The following LDLRAD3 variants were observed in gnomAD, a reference collection of about 807,000 sequenced individuals.
LDLRAD3 encodes the protein low-density lipoprotein receptor class A domain-containing protein 3.
In LDLRAD3, 20 loss-of-function variants were observed where a neutral mutation model predicts 29.4. That is an observed-to-expected ratio of 0.68 (90% confidence interval 0.48 to 0.99). The LOEUF is 0.99. Ranked by LOEUF, LDLRAD3 falls within the 50% of genes least tolerant of loss-of-function variation. LDLRAD3 has a pLI of 0.00. For missense variants in LDLRAD3, 420 were observed against 454.3 expected (o/e 0.92, Z 0.69); for synonymous variants, 157 against 192.7 (o/e 0.81, Z 1.53).
At chr11:36,182,110 C>T (rs929137916) in intron 4 of LDLRAD3, among the ~76,000 whole-genome samples, 1 of 152,180 alleles carries the variant, frequency 6.6e-6, no homozygotes, top group Non-Finnish European at 1.5e-5. Context: ...AGGAGCTTAT[C>T]TAGACAGGAG....
chr11:35,947,632 A>G (rs539357250), intron 1 of LDLRAD3, among the ~76,000 whole-genome samples: 1 of 152,356 alleles, frequency 6.6e-6, no homozygotes, highest in South Asian at 2.1e-4. Flanking sequence ...CTTTAAGCAC[A>G]TGATCCCATT....
At chr11:36,053,631 A>G (rs553879450) in intron 2 of LDLRAD3, among the ~76,000 whole-genome samples, 1 of 152,332 alleles carries the variant, frequency 6.6e-6, no homozygotes, top group African/African-American at 2.4e-5. Context: ...TACTGTTCTA[A>G]CAATCAGAAG....
intron 4 of LDLRAD3, chr11:36,163,478 T>C (rs1227326119): frequency 2.0e-5 from 3 of 152,214 alleles, no homozygotes; most frequent in African/African-American, 7.2e-5. Flanking sequence ...TGACTGGGTA[T>C]AGTCAAGTGC....
chr11:35,987,052 T>C (rs536694173), intron 1 of LDLRAD3, among the ~76,000 whole-genome samples: 1 of 152,340 alleles, frequency 6.6e-6, no homozygotes, highest in African/African-American at 2.4e-5. Context: ...GTTTGAGTAT[T>C]CGTCTCATTC....
chr11:36,144,469 C>CATCTAGGA (rs1407030417), intron 4 of LDLRAD3, among the ~76,000 whole-genome samples: 7 of 150,728 alleles, frequency 4.6e-5, no homozygotes, highest in Non-Finnish European at 8.9e-5. Flanking sequence ...GCCGCCATCC[C>CATCTAGGA]ATCTAGGAAG....
intron 4 of LDLRAD3, among the ~76,000 whole-genome samples, chr11:36,225,579 T>C (rs1855487495): frequency 6.6e-6 from 1 of 152,178 alleles, no homozygotes; most frequent in African/African-American, 2.4e-5. Context: ...ATTCGGGTGA[T>C]GTAGAGCAGA....
chr11:36,067,018 A>G (rs1852806291), intron 2 of LDLRAD3, among the ~76,000 whole-genome samples: 3 of 152,180 alleles, frequency 2.0e-5, no homozygotes, highest in Non-Finnish European at 4.4e-5. Flanking sequence ...ATTTCTGTAC[A>G]AGCCATAACC....
intron 4 of LDLRAD3, among the ~76,000 whole-genome samples, chr11:36,189,048 G>C (rs779339532): frequency 6.0e-5 from 9 of 151,056 alleles, no homozygotes; most frequent in Non-Finnish European, 1.3e-4. Context: ...CATTGAAATT[G>C]TACAATTTGG....
chr11:36,091,738 G>A (rs1191687267), intron 3 of LDLRAD3, among the ~76,000 whole-genome samples: 2 of 152,140 alleles, frequency 1.3e-5, no homozygotes, highest in Non-Finnish European at 2.9e-5. Flanking sequence ...TGACTGGTAA[G>A]CCACAACGAG....
intron 1 of LDLRAD3, among the ~76,000 whole-genome samples, chr11:35,994,664 C>T (rs981463735): frequency 1.3e-5 from 2 of 152,214 alleles, no homozygotes; most frequent in African/African-American, 4.8e-5. Context: ...CTCTGTAGCA[C>T]GCAATGCCTG....
At chr11:36,144,842 G>A (rs1461182893) in intron 4 of LDLRAD3, among the ~76,000 whole-genome samples, 2 of 113,522 alleles carry the variant, frequency 1.8e-5, no homozygotes, top group African/African-American at 6.4e-5. Context: ...CCGCCCGTCC[G>A]GGAGGGAGGT....
intron 4 of LDLRAD3, among the ~76,000 whole-genome samples, chr11:36,145,481 G>C (rs1388330194): frequency 6.8e-6 from 1 of 147,272 alleles, no homozygotes; most frequent in Non-Finnish European, 1.5e-5. Context: ...CTCTCTGCCC[G>C]GCCACCACCC....
At chr11:36,214,999 G>T (rs997240802) in intron 4 of LDLRAD3, among the ~76,000 whole-genome samples, 1 of 152,214 alleles carries the variant, frequency 6.6e-6, no homozygotes, top group Non-Finnish European at 1.5e-5. Context: ...AATGTACAAT[G>T]ACAGGCAGTA....
chr11:35,982,857 T>C (rs967081220), intron 1 of LDLRAD3, among the ~76,000 whole-genome samples: 3 of 146,840 alleles, frequency 2.0e-5, no homozygotes, highest in Non-Finnish European at 4.5e-5. Context: ...GCTTTTTTTT[T>C]TTTTTTTTTT....
chr11:36,162,177 G>A (rs1241621480), intron 4 of LDLRAD3, among the ~76,000 whole-genome samples: 2 of 152,182 alleles, frequency 1.3e-5, no homozygotes, highest in East Asian at 1.9e-4. Context: ...TTTAAGCCAC[G>A]GTGGGGGCAG....
intron 1 of LDLRAD3, among the ~76,000 whole-genome samples, chr11:36,021,928 G>A (rs1198676637): frequency 6.6e-6 from 1 of 152,136 alleles, no homozygotes. Flanking sequence ...GAGATTACAG[G>A]CGTGAGCCAC....
chr11:36,126,371 G>A (rs560070251), intron 4 of LDLRAD3, among the ~76,000 whole-genome samples: 1 of 152,178 alleles, frequency 6.6e-6, no homozygotes. Context: ...CCAAGAGCAG[G>A]GTTTCTTTTA....
At chr11:36,027,763 T>C (rs542475687) in intron 1 of LDLRAD3, among the ~76,000 whole-genome samples, 153 of 152,292 alleles carry the variant, frequency 1.0e-3, no homozygotes, top group Non-Finnish European at 1.8e-3. Flanking sequence ...GAACTTGAGG[T>C]TGTAGCAAAA....
chr11:36,196,685 A>C (rs531467965), intron 4 of LDLRAD3: 6 of 152,322 alleles, frequency 3.9e-5, no homozygotes, highest in African/African-American at 1.4e-4. Context: ...CGCAGTCCTA[A>C]TCCGTTAAAT....
Sources: gnomAD v4.1 joint callset for allele counts (sites outside exome capture counted in the v4.1 genomes callset) on GRCh38, gnomAD v4.1.1 for gene constraint, MANE v1.5 for transcripts, NCBI Gene and HGNC (gene_info 2026-07-23, HGNC 2026-07-21) for gene names.